The following MSI1 variants were observed in gnomAD, a reference collection of about 807,000 sequenced individuals.
MSI1 encodes the protein RNA-binding protein Musashi homolog 1.
Under a neutral mutation model 54.4 loss-of-function variants are expected in MSI1, and 15 were observed. The observed-to-expected ratio is 0.28, with a 90% confidence interval of 0.18 to 0.42. MSI1 has a LOEUF of 0.42. Among genes scored for constraint, MSI1 ranks in the 20% least tolerant of loss-of-function variants. MSI1 has a pLI of 1.00. For missense variants in MSI1, 304 were observed against 506.0 expected (o/e 0.60, Z 3.83); for synonymous variants, 200 against 196.5 (o/e 1.02, Z -0.15).
At chr12:120,364,683 G>C (rs747070602) in intron 5 of MSI1, 31 bp downstream of exon 5, 1 of 1,566,594 alleles carries the variant, frequency 6.4e-7, no homozygotes, top group Non-Finnish European at 8.6e-7. Flanking sequence ...CCCATAGTAA[G>C]AGAGCTCCTC....
Position 120,357,923 on chromosome 12 carries a change from G to A in MSI1, c.452-25C>T, listed in dbSNP as rs990670195. On this transcript the variant is annotated intron_variant, in intron 7 of 14. Transcript: ENST00000257552. The stretch of plus-strand genomic sequence containing the variant: ...CCTAGAGGTTGGACAAAGGATAAAG[G>A]CAAGGTCAGAACCAGAGCGCAGGGT... The A allele has an allele frequency of 6.8e-6, 11 of 1,610,676 alleles. No individual in the cohort carries two copies. In the Admixed American group the frequency reaches 1.0e-4, roughly 15 times the overall value.
At chr12:120,367,021 CA>C (rs1307694908) in intron 4 of MSI1, among the ~76,000 whole-genome samples, 1 of 152,300 alleles carries the variant, frequency 6.6e-6, no homozygotes, top group Non-Finnish European at 1.5e-5. Context: ...TCAGAGCCGG[CA>C]AAGTTGAGGC....
chr12:120,351,021 A>C (rs958783346), intron 11 of MSI1, among the ~76,000 whole-genome samples: 4 of 152,112 alleles, frequency 2.6e-5, no homozygotes, highest in Non-Finnish European at 5.9e-5. Flanking sequence ...CTTTGCAATG[A>C]GTTTGAGACC....
intron 5 of MSI1, among the ~76,000 whole-genome samples, chr12:120,363,342 C>G (rs959371492): frequency 2.0e-4 from 30 of 148,722 alleles, no homozygotes; most frequent in Non-Finnish European, 5.9e-5. Context: ...CTGGCTGGCT[C>G]GAGTGTGCCT....
chr12:120,367,845 C>T (rs886285295), intron 4 of MSI1, among the ~76,000 whole-genome samples, 163 bp downstream of exon 4: 6 of 152,102 alleles, frequency 3.9e-5, no homozygotes, highest in African/African-American at 1.4e-4. Flanking sequence ...CTCTCCCCCC[C>T]AACTCTAGTG....
intron 10 of MSI1, 60 bp from the exon 11 acceptor site, chr12:120,351,460 A>G: frequency 2.6e-6 from 4 of 1,526,998 alleles, no homozygotes; most frequent in Non-Finnish European, 2.7e-6. Flanking sequence ...GACATGGCCC[A>G]GGGAGGACAA....
In MSI1 at chr12:120,368,915, G is replaced by A. The variant is rs771495175; in HGVS notation, c.60-42C>T. The A allele has an allele frequency of 3.0e-6, 4 of 1,350,174 alleles. No homozygotes were observed. Among genetic ancestry groups the A allele is most frequent in the Non-Finnish European group, 3.9e-6 (4 of 1,032,384 alleles). The allele number at this position is 1,350,174 out of a possible 1,614,324, so 83.6% of individuals were successfully genotyped here. ...GACACAAAGGGCCCGCGTGAGCGCC[G>A]GGCGCCAGGGCGCAGGGGGCGCGGG... On this transcript the variant is annotated intron_variant, in intron 1 of 14. Transcript: ENST00000257552. The surrounding 1 kb of genome is among the most constrained non-coding windows in gnomAD (Gnocchi z 6.6).
At chr12:120,358,903 G>C (rs1378006737) in intron 7 of MSI1, 102 bp downstream of exon 7, 12 of 1,320,504 alleles carry the variant, frequency 9.1e-6, no homozygotes, top group African/African-American at 5.8e-5. Flanking sequence ...CAGATCCTGG[G>C]GGATAGGATG....
intron 14 of MSI1, among the ~76,000 whole-genome samples, chr12:120,344,071 G>C (rs1008805770): frequency 1.3e-5 from 2 of 152,130 alleles, no homozygotes; most frequent in Non-Finnish European, 2.9e-5. Flanking sequence ...GTCCAGGCTG[G>C]TCTAGAACTC....
rs1231339649 is a variant in MSI1 at position 120,357,630 on chromosome 12, C to T, written c.534+186G>A. 2.0e-5 allele frequency among the ~76,000 whole-genome samples: 3 copies of T among 152,160 alleles called. No homozygotes were observed. The East Asian group carries it at 5.8e-4, about 29-fold the overall frequency. On this transcript the variant is annotated intron_variant, in intron 8 of 14. Transcript: ENST00000257552. ...AAGCGATTCTCCTGCCTCAGCCTCC[C>T]AAGTAGCTGGGATTACAGGCACGCA...
rs202013564 is a variant in MSI1 at position 120,346,216 on chromosome 12, C to T, written c.966G>A (p.Ala322=). ...TGCTGACCCCCGAGTCCTGGTTGGCCGCCCCGTAGAGCTCGGCCATGGGGC... is the reference window on the plus strand; with the variant it reads ...TGCTGACCCCCGAGTCCTGGTTGGCTGCCCCGTAGAGCTCGGCCATGGGGC... ...SPGPMAELYG[A]ANQDSGVSSY... The change falls in exon 13 of 15, where the codon GCG becomes GCA. Residue 322 remains alanine, a synonymous_variant. Transcript: ENST00000257552. 9.2e-5 allele frequency: 147 copies of T among 1,598,648 alleles called. 1 individual carries two copies. In the African/African-American group the frequency reaches 1.3e-3, roughly 14 times the overall value.
At chr12:120,347,616 C>T in intron 11 of MSI1, 102 bp from the exon 12 acceptor site, 3 of 1,417,866 alleles carry the variant, frequency 2.1e-6, no homozygotes, top group Non-Finnish European at 3.0e-6. Flanking sequence ...CTGGCCCTAC[C>T]TCAGAGGGTT....
rs370344181 is a variant in MSI1 at position 120,345,544 on chromosome 12, C to G, written c.*21+26G>C. 104 of 1,608,816 alleles carry G rather than the reference C, an allele frequency of 6.5e-5. 4 individuals carry two copies. Among genetic ancestry groups the G allele is most frequent in the East Asian group, 3.3e-4 (15 of 44,846 alleles). On this transcript the variant is annotated intron_variant, in intron 14 of 14. Transcript: ENST00000257552. ...GACAGGCTTCCCCAGTGCCACCCCACCACCTGCCCACCCCCACATCCTCAC... is the reference window on the plus strand; with the variant it reads ...GACAGGCTTCCCCAGTGCCACCCCAGCACCTGCCCACCCCCACATCCTCAC...
Position 120,357,876 on chromosome 12 carries a change from C to T in MSI1, c.474G>A (p.Glu158=). The change falls in exon 8 of 15, where the codon GAG becomes GAA. Residue 158 remains glutamate (E), a synonymous_variant. Transcript: ENST00000257552. ...RHRGFGFVTF[E]SEDIVEKVCE... ...ACACTTTCTCCACGATGTCCTCACT[C>T]TCAAACGTGACAAACCCGAACCCTA... The T allele has an allele frequency of 6.2e-7, 1 of 1,614,148 alleles. No homozygotes were observed. The highest frequency in any genetic ancestry group is 8.5e-7 in the Non-Finnish European group (1 of 1,180,028).
At position 120,364,855 on chromosome 12, in the gene MSI1, A is replaced by G. The variant is rs138499265; in HGVS notation, c.268-100T>C. Reference sequence around the variant, plus strand: ...CTCAGGACCTCTCTCCTCCCAGGACACAAAGGTGACAGAAATCACAAAAGC... The same window carrying G: ...CTCAGGACCTCTCTCCTCCCAGGACGCAAAGGTGACAGAAATCACAAAAGC... On this transcript the variant is annotated intron_variant, in intron 4 of 14. Transcript: ENST00000257552. The G allele has an allele frequency of 1.8e-3, 1,797 of 989,502 alleles. 23 individuals are homozygous for G. The African/African-American group carries it at 0.027, about 15-fold the overall frequency. 61.3% of individuals were successfully genotyped at this position (989,502 alleles called of 1,614,324 possible).
chr12:120,362,984 T>A, intron 6 of MSI1, 59 bp downstream of exon 6: 4 of 1,398,950 alleles, frequency 2.9e-6, no homozygotes, highest in Non-Finnish European at 4.0e-6. Context: ...GGCTTGCTAG[T>A]GCCCCATTCT....
At chr12:120,363,453 CACTA>C (rs1875818625) in intron 5 of MSI1, among the ~76,000 whole-genome samples, 1 of 152,128 alleles carries the variant, frequency 6.6e-6, no homozygotes, top group Admixed American at 6.5e-5. Context: ...CACAGCCTAA[CACTA>C]AGACCTCACT....
chr12:120,353,991 T>G lies in MSI1; in HGVS notation c.653-612A>C, dbSNP rs1173366389. ...TTATATAATGATTTTTTTTTCTTTT[T>G]TCTTTTTTAGAGACAGGATCTTGCT... On this transcript the variant is annotated intron_variant, in intron 9 of 14. Coordinates refer to ENST00000257552, the MANE Select transcript of MSI1 (RefSeq NM_002442.4). Among the ~76,000 whole-genome samples the G allele has an allele frequency of 3.3e-5, 5 of 152,184 alleles. No homozygotes were observed. In the East Asian group the frequency reaches 9.6e-4, roughly 29 times the overall value.
At chr12:120,365,906 A>T (rs577385439) in intron 4 of MSI1, among the ~76,000 whole-genome samples, 5 of 152,174 alleles carry the variant, frequency 3.3e-5, no homozygotes, top group Admixed American at 6.5e-5. Context: ...GAATCAGATG[A>T]GATAACGCGG....
Sources: allele counts gnomAD v4.1 joint callset (sites outside exome capture counted in the v4.1 genomes callset), GRCh38; gene constraint gnomAD v4.1.1; non-coding constraint Gnocchi (gnomAD v3.1); transcripts MANE v1.5; gene names NCBI Gene and HGNC (gene_info 2026-07-23, HGNC 2026-07-21).